ZBTB20: variants seen among roughly 807,000 people sequenced by gnomAD.
ZBTB20 encodes the protein zinc finger and BTB domain-containing protein 20.
A neutral mutation model predicts 56.9 loss-of-function variants in ZBTB20; 9 were observed. That is an observed-to-expected ratio of 0.16 (90% CI 0.10 to 0.28). The LOEUF (loss-of-function observed/expected upper bound fraction) is 0.28, where lower values mean the gene tolerates loss of function less well. Ranked by LOEUF, ZBTB20 falls within the 10% of genes least tolerant of loss-of-function variation. The pLI, the probability that ZBTB20 is intolerant of heterozygous loss-of-function variation, is 1.00. For synonymous variants in ZBTB20, 417 were observed against 420.7 expected, an observed-to-expected ratio of 0.99 and a Z score of 0.11; for missense variants, 655 against 1,003.0, an observed-to-expected ratio of 0.65 and a Z score of 4.69.
chr3:114,946,987 C>T (rs950668792), intron 3 of ZBTB20, among the ~76,000 whole-genome samples: 17 of 144,482 alleles, frequency 1.2e-4, no homozygotes, highest in Admixed American at 1.1e-3. Flanking sequence ...CCTATCAAAA[C>T]GTGGGCAAAA....
At chr3:115,021,473 C>T (rs1204416192) in intron 2 of ZBTB20, among the ~76,000 whole-genome samples, 1 of 150,780 alleles carries the variant, frequency 6.6e-6, no homozygotes, top group African/African-American at 2.4e-5. Context: ...TACACATACG[C>T]AACATTAGAA....
At chr3:115,022,522 G>A (rs143384054) in intron 2 of ZBTB20, among the ~76,000 whole-genome samples, 1 of 151,116 alleles carries the variant, frequency 6.6e-6, no homozygotes, top group East Asian at 1.9e-4. Flanking sequence ...GAGTAACTTA[G>A]AGCCATGTTT....
At chr3:114,549,751 T>C (rs985508914) in intron 6 of ZBTB20, among the ~76,000 whole-genome samples, 16 of 151,150 alleles carry the variant, frequency 1.1e-4, no homozygotes, top group African/African-American at 3.9e-4. Flanking sequence ...TTGACCTTTT[T>C]CTTTTTTTTT....
intron 6 of ZBTB20, among the ~76,000 whole-genome samples, chr3:114,622,226 T>C (rs938727924): frequency 5.9e-5 from 9 of 152,142 alleles, no homozygotes; most frequent in Admixed American, 3.9e-4. Context: ...GTTAACCTCC[T>C]ATGTAGGTCT....
intron 2 of ZBTB20, among the ~76,000 whole-genome samples, chr3:115,059,216 G>T (rs2081928539): frequency 6.6e-6 from 1 of 151,908 alleles, no homozygotes; most frequent in Non-Finnish European, 1.5e-5. Context: ...GCTTTTTCAT[G>T]TAACATAAAT....
Position 114,857,522 on chromosome 3 carries a change from A to T in ZBTB20, c.-417+42782T>A, listed in dbSNP as rs1050191049. On this transcript the variant is annotated intron_variant, in intron 4 of 11. Coordinates refer to ENST00000675478, the MANE Select transcript of ZBTB20 (RefSeq NM_001348800.3). ...CAGGGCTGCGGAGAGAGGTTAAGGAATTCTTACTAGCGCCGTTATCCTATA... is the reference window on the plus strand; with the variant it reads ...CAGGGCTGCGGAGAGAGGTTAAGGATTTCTTACTAGCGCCGTTATCCTATA... Among the ~76,000 whole-genome samples the T allele has an allele frequency of 2.6e-5, 4 of 152,290 alleles. 1 individual carries two copies. Among genetic ancestry groups the T allele is most frequent in the African/African-American group, 9.6e-5 (4 of 41,576 alleles).
At chr3:114,646,135 C>G (rs941250876) in intron 6 of ZBTB20, among the ~76,000 whole-genome samples, 1 of 124,748 alleles carries the variant, frequency 8.0e-6, no homozygotes, top group African/African-American at 4.1e-5. Flanking sequence ...TTTATAAAAC[C>G]TCTACAGAAA....
intron 6 of ZBTB20, among the ~76,000 whole-genome samples, chr3:114,634,740 T>C (rs1259612883): frequency 6.6e-6 from 1 of 152,184 alleles, no homozygotes; most frequent in African/African-American, 2.4e-5. Context: ...CTGGCTTAGC[T>C]CAACACTGAG....
intron 1 of ZBTB20, among the ~76,000 whole-genome samples, chr3:115,084,373 T>C (rs1452088161): frequency 6.7e-6 from 1 of 149,216 alleles, no homozygotes; most frequent in Non-Finnish European, 1.5e-5. Flanking sequence ...CATAACACAA[T>C]AGCACTCTAT....
intron 3 of ZBTB20, among the ~76,000 whole-genome samples, chr3:114,961,881 T>C (rs1323927573): frequency 2.0e-5 from 3 of 152,160 alleles, no homozygotes; most frequent in East Asian, 3.9e-4. Flanking sequence ...TATTTCATAA[T>C]GTCACGATTG....
intron 5 of ZBTB20, among the ~76,000 whole-genome samples, chr3:114,748,319 TTTC>T (rs1553807182): frequency 3.7e-4 from 48 of 130,686 alleles, no homozygotes; most frequent in African/African-American, 1.4e-3. Flanking sequence ...TCTTTCTTTC[TTTC>T]TTTCTTTCTT....
chr3:114,438,529 G>A lies in ZBTB20; in HGVS notation c.-254-49424C>T, dbSNP rs142586538. On this transcript the variant is annotated intron_variant, in intron 7 of 11. Transcript: ENST00000675478. ...TGATCATAATCATCTCAAGGTGCTT[G>A]GAGGAAAGAAGGAGAGATGAGTTCT... Among the ~76,000 whole-genome samples the A allele has an allele frequency of 5.3e-5, 8 of 152,096 alleles. No individual in the cohort carries two copies. The East Asian group carries it at 1.5e-3, about 29-fold the overall frequency.
intron 2 of ZBTB20, among the ~76,000 whole-genome samples, chr3:115,017,870 A>G (rs901847426): frequency 6.6e-6 from 1 of 151,584 alleles, no homozygotes; most frequent in African/African-American, 2.4e-5. Context: ...TACAACACAT[A>G]TGCACATACT....
chr3:114,773,667 A>G (rs778551312), intron 5 of ZBTB20, among the ~76,000 whole-genome samples: 17 of 152,178 alleles, frequency 1.1e-4, no homozygotes, highest in Non-Finnish European at 1.5e-4. Flanking sequence ...ACTCTCTTCA[A>G]CAGGAAAAAT....
At chr3:114,395,825 CTGTT>C (rs1326589351) in intron 7 of ZBTB20, among the ~76,000 whole-genome samples, 1 of 152,200 alleles carries the variant, frequency 6.6e-6, no homozygotes, top group Non-Finnish European at 1.5e-5. Flanking sequence ...CACAATCCCA[CTGTT>C]TGTCACATTA....
At chr3:114,518,423 G>A (rs1187791635) in intron 6 of ZBTB20, 1 of 152,150 alleles carries the variant, frequency 6.6e-6, no homozygotes. Flanking sequence ...CACTTGCCAA[G>A]TTTCATTTTT....
At chr3:115,007,543 TA>T (rs1328473309) in intron 2 of ZBTB20, among the ~76,000 whole-genome samples, 3 of 151,896 alleles carry the variant, frequency 2.0e-5, no homozygotes, top group Non-Finnish European at 4.4e-5. Flanking sequence ...TTTTATTCTT[TA>T]TAAGTTCTTT....
intron 6 of ZBTB20, among the ~76,000 whole-genome samples, chr3:114,539,014 T>C (rs1160301231): frequency 2.0e-5 from 3 of 152,168 alleles, no homozygotes; most frequent in Non-Finnish European, 4.4e-5. Flanking sequence ...CTAGTTGTTG[T>C]AGCCATGGTA....
intron 7 of ZBTB20, among the ~76,000 whole-genome samples, chr3:114,449,079 T>C (rs1331695980): frequency 6.6e-6 from 1 of 152,142 alleles, no homozygotes; most frequent in Non-Finnish European, 1.5e-5. Context: ...TTTCTTTCTT[T>C]TTCTTTCTTT....
Sources: gnomAD v4.1 joint callset for allele counts (sites outside exome capture counted in the v4.1 genomes callset) on GRCh38, gnomAD v4.1.1 for gene constraint, MANE v1.5 for transcripts, NCBI Gene and HGNC (gene_info 2026-07-23, HGNC 2026-07-21) for gene names.